Variants in FBN2 observed in about 807,000 individuals in gnomAD.
FBN2 encodes the protein fibrillin-2.
A neutral mutation model predicts 355.6 loss-of-function variants in FBN2; 105 were observed. That is an observed-to-expected ratio of 0.30 (90% CI 0.25 to 0.35). The LOEUF is 0.35. Among genes scored for constraint, FBN2 ranks in the 10% least tolerant of loss-of-function variants. The pLI is 1.00. For synonymous variants in FBN2, 1,350 were observed against 1,301.2 expected, an observed-to-expected ratio of 1.04 and a Z score of -0.81; for missense variants, 3,280 against 3,758.7, an observed-to-expected ratio of 0.87 and a Z score of 3.33.
chr5:128,523,727 C>G (rs931955336), intron 4 of FBN2, among the ~76,000 whole-genome samples: 6 of 152,016 alleles, frequency 3.9e-5, no homozygotes, highest in Admixed American at 3.3e-4. Context: ...GCTATTAATC[C>G]AGCAGCTCCA....
intron 7 of FBN2, among the ~76,000 whole-genome samples, chr5:128,424,534 T>G (rs1157288695): frequency 6.6e-6 from 1 of 151,918 alleles, no homozygotes; most frequent in Non-Finnish European, 1.5e-5. Flanking sequence ...TATTTTTGCA[T>G]TATTTCAGGA....
intron 36 of FBN2, among the ~76,000 whole-genome samples, chr5:128,314,086 T>C (rs937030456): frequency 1.3e-5 from 2 of 152,048 alleles, no homozygotes; most frequent in African/African-American, 2.4e-5. Flanking sequence ...AGCATTACCT[T>C]AGGTCAGGCA....
chr5:128,376,444 T>C (rs528855606), intron 14 of FBN2, among the ~76,000 whole-genome samples: 1 of 152,318 alleles, frequency 6.6e-6, no homozygotes, highest in Non-Finnish European at 1.5e-5. Context: ...AGCCAAGCAG[T>C]TGAGAGAAAT....
At position 128,259,535 on chromosome 5, in the gene FBN2, CCA is replaced by C; in HGVS notation, c.8657_8658del (p.Leu2886ArgfsTer5). 1 of 1,614,046 alleles carries C rather than the reference CCA, an allele frequency of 6.2e-7. No homozygotes were observed. The highest frequency in any genetic ancestry group is 2.2e-5 in the East Asian group (1 of 44,862). ...PLYKKKELKKLEESNEDDYLL... is the reference protein window; with the variant it reads ...PLYKKKELKKXEESNEDDYLL... Reference sequence around the variant, plus strand: ...AGGTAGTCATCCTCATTGCTCTCTTCCAGTTTCTTAAGCTCCTTCTTCTTGTA... The same window carrying C: ...AGGTAGTCATCCTCATTGCTCTCTTCGTTTCTTAAGCTCCTTCTTCTTGTA... On this transcript the variant is annotated frameshift_variant, in exon 65 of 65. Transcript: ENST00000262464. LOFTEE classifies it high-confidence loss of function.
In FBN2 at chr5:128,278,813, C is replaced by T. The variant is rs761050040; in HGVS notation, c.7167G>A (p.Glu2389=). 2.5e-6 allele frequency: 4 copies of T among 1,613,814 alleles called. No individual in the cohort carries two copies. The highest frequency in any genetic ancestry group is 1.7e-4 in the Middle Eastern group (1 of 6,058). ...LDNRQGLCFA[E]VLQTICQMAS... is the part of the protein sequence containing the mutation. ...CCATTTGACATATTGTCTGCAGTAC[C>T]TCTGCAAAGCAGAGACCCTGTCGAT... The change falls in exon 57 of 65, where the codon GAG becomes GAA. Residue 2389 remains glutamate (E), a synonymous_variant. Coordinates refer to ENST00000262464, the MANE Select transcript of FBN2 (RefSeq NM_001999.4).
Position 128,500,596 on chromosome 5 carries a change from C to T in FBN2, c.628+18677G>A, listed in dbSNP as rs374190857. 1.8e-4 allele frequency among the ~76,000 whole-genome samples: 27 copies of T among 151,988 alleles called. No individual in the cohort carries two copies. In the South Asian group the frequency reaches 5.0e-3, roughly 28 times the overall value. The stretch of plus-strand genomic sequence containing the variant: ...AGTAGCTGGGACTACAGGCGCCTGC[C>T]ACCGCACCCGGCTAATTTTTTGTAT... On this transcript the variant is annotated intron_variant, in intron 5 of 64. Coordinates refer to ENST00000262464, the MANE Select transcript of FBN2 (RefSeq NM_001999.4).
At chr5:128,360,068 T>C (rs190238326) in intron 19 of FBN2, among the ~76,000 whole-genome samples, 19 of 152,114 alleles carry the variant, frequency 1.2e-4, no homozygotes, top group Non-Finnish European at 2.1e-4. Flanking sequence ...TGCTCTTGCT[T>C]TCTAAGTTTC....
At chr5:128,381,694 G>A (rs75713043) in intron 11 of FBN2, among the ~76,000 whole-genome samples, 9,730 of 152,090 alleles carry the variant, frequency 0.064, 405 homozygotes, top group Non-Finnish European at 0.088. Context: ...CCTGCTGCTG[G>A]GGCTTTAACT....
At chr5:128,496,497 G>C (rs1398210539) in intron 5 of FBN2, among the ~76,000 whole-genome samples, 1 of 151,814 alleles carries the variant, frequency 6.6e-6, no homozygotes, top group African/African-American at 2.4e-5. Context: ...GAGTAGAAGG[G>C]AACTTCCTCA....
At chr5:128,456,659 G>C (rs769903675) in intron 6 of FBN2, among the ~76,000 whole-genome samples, 2 of 152,046 alleles carry the variant, frequency 1.3e-5, no homozygotes, top group Non-Finnish European at 2.9e-5. Flanking sequence ...AGATGAATAA[G>C]GCCTGAAGTG....
intron 6 of FBN2, among the ~76,000 whole-genome samples, chr5:128,448,445 T>C (rs982214924): frequency 3.3e-5 from 5 of 152,010 alleles, no homozygotes; most frequent in Non-Finnish European, 7.4e-5. Context: ...GTAGCTGGGA[T>C]TACAGGCATG....
chr5:128,418,270 C>T (rs998435553), intron 7 of FBN2, among the ~76,000 whole-genome samples: 2 of 152,032 alleles, frequency 1.3e-5, no homozygotes, highest in African/African-American at 4.8e-5. Context: ...GTTTATCAAT[C>T]ATGTTTATCT....
Position 128,468,731 on chromosome 5 carries a change from T to C in FBN2, c.629-3810A>G, listed in dbSNP as rs535648024. ...AATTTCACAAGTCCTTTTTACACAA[T>C]TAGAGATGATAAATCATGCTAGAAA... On this transcript the variant is annotated intron_variant, in intron 5 of 64. Transcript: ENST00000262464. Among the ~76,000 whole-genome samples the C allele has an allele frequency of 4.6e-5, 7 of 152,326 alleles. No homozygotes were observed. The South Asian group carries it at 1.2e-3, about 27-fold the overall frequency.
At chr5:128,428,255 A>G (rs1359519198) in intron 7 of FBN2, among the ~76,000 whole-genome samples, 7 of 152,162 alleles carry the variant, frequency 4.6e-5, no homozygotes, top group Admixed American at 4.6e-4. Flanking sequence ...TAAACCTTCC[A>G]AAATGAAGGT....
intron 2 of FBN2, among the ~76,000 whole-genome samples, chr5:128,532,102 C>T (rs1756725453): frequency 6.6e-6 from 1 of 152,156 alleles, no homozygotes; most frequent in Non-Finnish European, 1.5e-5. Context: ...GTTCTAATGA[C>T]TTGGCCAAGC....
chr5:128,537,733 G>A lies in FBN2; in HGVS notation c.-130C>T. 1 of 908,076 alleles carries A rather than the reference G, an allele frequency of 1.1e-6. No homozygotes were observed. Among genetic ancestry groups the A allele is most frequent in the Non-Finnish European group, 1.7e-6 (1 of 583,076 alleles). 56.3% of individuals were successfully genotyped at this position (908,076 alleles called of 1,614,324 possible). A position where few individuals can be genotyped will look rare whatever the true frequency, so the allele number is the denominator to read the frequency against. On this transcript the variant is annotated 5_prime_UTR_variant, in exon 1 of 65. Coordinates refer to ENST00000262464, the MANE Select transcript of FBN2 (RefSeq NM_001999.4). ...GGCTCCGGGGACTCCCTCGGGCTCG[G>A]GCTCCCTGCTCTAGCTGGAGACCTC...
At chr5:128,365,454 A>G (rs1018774271) in intron 17 of FBN2, 2 of 152,088 alleles carry the variant, frequency 1.3e-5, no homozygotes, top group Non-Finnish European at 2.9e-5. Context: ...TCAAATTTTG[A>G]TGCTATTGTT....
At chr5:128,501,942 A>T (rs1165411472) in intron 5 of FBN2, among the ~76,000 whole-genome samples, 1 of 152,176 alleles carries the variant, frequency 6.6e-6, no homozygotes, top group East Asian at 1.9e-4. Context: ...ACAACAGAAC[A>T]TTTCTCCAAA....
At chr5:128,453,237 T>C (rs1202299913) in intron 6 of FBN2, among the ~76,000 whole-genome samples, 1 of 152,214 alleles carries the variant, frequency 6.6e-6, no homozygotes, top group Admixed American at 6.5e-5. Flanking sequence ...TCTATCTCGA[T>C]CTTATCTTCA....
Sources: allele counts gnomAD v4.1 joint callset (sites outside exome capture counted in the v4.1 genomes callset), GRCh38; gene constraint gnomAD v4.1.1; transcripts MANE v1.5; gene names NCBI Gene and HGNC (gene_info 2026-07-23, HGNC 2026-07-21).